Variants in ARHGAP26 observed in about 807,000 individuals in gnomAD.
The protein encoded by ARHGAP26 is Rho GTPase activating protein 26, also known as rho GTPase-activating protein 26.
Under a neutral mutation model 104.8 loss-of-function variants are expected in ARHGAP26, and 38 were observed. The ratio of observed to expected loss-of-function variants is 0.36; its 90% confidence interval spans 0.28 to 0.48. The LOEUF (loss-of-function observed/expected upper bound fraction) is 0.48, where lower values mean the gene tolerates loss of function less well. ARHGAP26 is among the 20% of genes least tolerant of loss of function. The pLI, the probability that ARHGAP26 is intolerant of heterozygous loss-of-function variation, is 0.99. For missense variants in ARHGAP26, 704 were observed against 947.9 expected (o/e 0.74, Z 3.38); for synonymous variants, 341 against 340.0 (o/e 1.00, Z -0.03).
intron 12 of ARHGAP26, among the ~76,000 whole-genome samples, chr5:143,030,968 A>G (rs1009084723): frequency 1.3e-5 from 2 of 152,252 alleles, no homozygotes; most frequent in Non-Finnish European, 2.9e-5. Flanking sequence ...AGAAAGGTTG[A>G]TGGTCCTGTA....
At chr5:143,103,719 C>G (rs910931445) in intron 17 of ARHGAP26, among the ~76,000 whole-genome samples, 4 of 152,154 alleles carry the variant, frequency 2.6e-5, no homozygotes, top group Admixed American at 2.6e-4. Flanking sequence ...ACTGCATGTT[C>G]TCACTCGTAA....
chr5:143,007,298 A>G (rs1019652141), intron 11 of ARHGAP26, among the ~76,000 whole-genome samples: 5 of 151,898 alleles, frequency 3.3e-5, no homozygotes, highest in African/African-American at 9.7e-5. Flanking sequence ...GTCTTTGGCA[A>G]CCCTGGCCAG....
chr5:143,094,790 G>T (rs1792054103), intron 17 of ARHGAP26, among the ~76,000 whole-genome samples: 1 of 152,098 alleles, frequency 6.6e-6, no homozygotes, highest in African/African-American at 2.4e-5. Flanking sequence ...AGTGGTTTGG[G>T]GGGAAAATGG....
chr5:142,964,329 T>C (rs1015317589), intron 11 of ARHGAP26, among the ~76,000 whole-genome samples: 3 of 152,238 alleles, frequency 2.0e-5, no homozygotes, highest in African/African-American at 7.2e-5. Context: ...TTCTATTTAC[T>C]AAATTCTTTT....
intron 20 of ARHGAP26, among the ~76,000 whole-genome samples, chr5:143,189,423 A>C (rs1381162304): frequency 6.6e-6 from 1 of 152,116 alleles, no homozygotes; most frequent in Admixed American, 6.6e-5. Context: ...AATTACACCC[A>C]CACACCCTCC....
chr5:143,206,628 GGT>G (rs1485294031), intron 20 of ARHGAP26, among the ~76,000 whole-genome samples: 1 of 152,154 alleles, frequency 6.6e-6, no homozygotes, highest in East Asian at 1.9e-4. Context: ...TCTCCCAAGA[GGT>G]GTATCTGTAT....
At chr5:142,788,377 G>T (rs1020910687) in intron 1 of ARHGAP26, among the ~76,000 whole-genome samples, 16 of 151,984 alleles carry the variant, frequency 1.1e-4, no homozygotes, top group Admixed American at 7.9e-4. Context: ...TTTGTTGCTG[G>T]TTTAGCAGAA....
At chr5:142,964,621 T>G (rs1313715563) in intron 11 of ARHGAP26, among the ~76,000 whole-genome samples, 2 of 152,052 alleles carry the variant, frequency 1.3e-5, no homozygotes, top group African/African-American at 2.4e-5. Flanking sequence ...TGTCAAGTCT[T>G]GGAGACATGC....
chr5:142,880,332 A>T (rs1418267869), intron 4 of ARHGAP26, among the ~76,000 whole-genome samples: 2 of 152,180 alleles, frequency 1.3e-5, no homozygotes, highest in East Asian at 3.9e-4. Flanking sequence ...AGGCTGGCCA[A>T]TATGGCGAAA....
chr5:143,060,908 G>A (rs767748631), intron 17 of ARHGAP26, among the ~76,000 whole-genome samples: 13 of 152,084 alleles, frequency 8.5e-5, no homozygotes, highest in Admixed American at 3.3e-4. Flanking sequence ...GGATGTAGGC[G>A]AATATTAGAA....
chr5:143,179,265 C>T (rs948715172), intron 20 of ARHGAP26, among the ~76,000 whole-genome samples: 1 of 152,172 alleles, frequency 6.6e-6, no homozygotes, highest in Non-Finnish European at 1.5e-5. Flanking sequence ...GGCATGAGGG[C>T]TTATTCCTCT....
At chr5:143,041,762 C>A in intron 13 of ARHGAP26, 54 bp from the exon 14 acceptor site, 1 of 1,378,550 alleles carries the variant, frequency 7.3e-7, no homozygotes, top group Non-Finnish European at 1.0e-6. Context: ...CTGGATTGGC[C>A]TGACTTGTGT....
chr5:142,851,363 C>T (rs1003390236), intron 1 of ARHGAP26, among the ~76,000 whole-genome samples: 3 of 152,198 alleles, frequency 2.0e-5, no homozygotes, highest in Admixed American at 6.5e-5. Context: ...TCCCAAAGTG[C>T]TGGGATTACA....
intron 11 of ARHGAP26, among the ~76,000 whole-genome samples, chr5:142,941,074 C>CAAAAAAA (rs1162903888): frequency 7.3e-5 from 2 of 27,248 alleles, no homozygotes; most frequent in Non-Finnish European, 1.3e-4. Flanking sequence ...GACTCCATCT[C>CAAAAAAA]AAAAAAAAAA....
At chr5:143,113,174 C>T (rs556164698) in intron 17 of ARHGAP26, among the ~76,000 whole-genome samples, 18 of 152,276 alleles carry the variant, frequency 1.2e-4, no homozygotes, top group South Asian at 4.1e-4. Flanking sequence ...AATACCTCTG[C>T]GTTAGATTGC....
intron 11 of ARHGAP26, among the ~76,000 whole-genome samples, chr5:142,991,980 T>C (rs190283250): frequency 9.6e-4 from 147 of 152,362 alleles, no homozygotes; most frequent in African/African-American, 3.4e-3. Flanking sequence ...CCTACATCTA[T>C]ACTAGTTGCT....
intron 1 of ARHGAP26, among the ~76,000 whole-genome samples, chr5:142,844,942 C>T (rs1416232128): frequency 1.3e-5 from 2 of 152,084 alleles, no homozygotes; most frequent in African/African-American, 4.8e-5. Flanking sequence ...TCTCTGATGC[C>T]TGCTGAACTT....
intron 11 of ARHGAP26, among the ~76,000 whole-genome samples, chr5:142,955,124 A>G (rs551248780): frequency 6.7e-6 from 1 of 149,034 alleles, no homozygotes; most frequent in Non-Finnish European, 1.5e-5. Flanking sequence ...ACACACACAC[A>G]CCCCCCATCT....
At chr5:143,162,822 G>A (rs868584524) in intron 20 of ARHGAP26, among the ~76,000 whole-genome samples, 1 of 152,098 alleles carries the variant, frequency 6.6e-6, no homozygotes, top group African/African-American at 2.4e-5. Context: ...GAGCAAACAC[G>A]CATTGAATGC....
Sources: gnomAD v4.1 joint callset for allele counts (sites outside exome capture counted in the v4.1 genomes callset) on GRCh38, gnomAD v4.1.1 for gene constraint, MANE v1.5 for transcripts, NCBI Gene and HGNC (gene_info 2026-07-23, HGNC 2026-07-21) for gene names.